NBAS: variants seen among roughly 807,000 people sequenced by gnomAD.
The protein encoded by NBAS is NBAS subunit of NRZ tethering complex, also known as NAG/BC035112 fusion.
A neutral mutation model predicts 302.5 loss-of-function variants in NBAS; 219 were observed. The ratio of observed to expected loss-of-function variants is 0.72; its 90% CI spans 0.65 to 0.81. The LOEUF is 0.81. Ranked by LOEUF, NBAS falls within the 30% of genes least tolerant of loss-of-function variation. The pLI, the probability that NBAS is intolerant of heterozygous loss-of-function variation, is 0.00. For missense variants in NBAS, 2,932 were observed against 2,841.6 expected, an observed-to-expected ratio of 1.03 and a Z score of -0.72; for synonymous variants, 1,118 against 1,021.6, an observed-to-expected ratio of 1.09 and a Z score of -1.80.
At chr2:15,140,698 G>A in the NBAS span, among the ~76,000 whole-genome samples, 6 of 152,216 alleles carry the variant, frequency 3.9e-5, no homozygotes, top group Non-Finnish European at 8.8e-5. Context: ...GACCCTGGTG[G>A]ATATGCTAGA....
intron 47 of NBAS, among the ~76,000 whole-genome samples, chr2:15,224,423 T>C (rs1464010692): frequency 6.6e-6 from 1 of 152,204 alleles, no homozygotes; most frequent in East Asian, 1.9e-4. Flanking sequence ...AACACACACA[T>C]TTGAGATTTC....
At position 15,396,472 on chromosome 2, in the gene NBAS, A is replaced by G; in HGVS notation, c.3075T>C (p.Asp1025=). 6.3e-7 allele frequency: 1 copy of G among 1,581,890 alleles called. No individual in the cohort carries two copies. Among genetic ancestry groups the G allele is most frequent in the African/African-American group, 1.4e-5 (1 of 73,308 alleles). ...LECLPERGYG[D]KTEATTKLHD... ...GAAGCTTTGTGGTTGCCTCTGTCTT[A>G]TCACTAATAAATTAAAAGAAGAAAA... The change falls in exon 27 of 52, where the codon GAT becomes GAC. Residue 1025 remains aspartate (D), a synonymous_variant. Transcript: ENST00000281513.
At chr2:15,065,371 A>G in the NBAS span, among the ~76,000 whole-genome samples, 1 of 152,150 alleles carries the variant, frequency 6.6e-6, no homozygotes, top group Non-Finnish European at 1.5e-5. Context: ...CAGCACTTCT[A>G]CTCAACATAG....
At chr2:15,407,633 G>A (rs1676480039) in intron 25 of NBAS, among the ~76,000 whole-genome samples, 1 of 152,156 alleles carries the variant, frequency 6.6e-6, no homozygotes, top group African/African-American at 2.4e-5. Context: ...TACGTACACA[G>A]CAGAATGAGC....
At chr2:14,853,225 GA>G in the NBAS span, among the ~76,000 whole-genome samples, 7 of 52,678 alleles carry the variant, frequency 1.3e-4, no homozygotes, top group Admixed American at 1.4e-3. Flanking sequence ...AAATTTACAA[GA>G]AAAAAACAAA....
intron 40 of NBAS, among the ~76,000 whole-genome samples, chr2:15,302,078 G>A (rs1242279002): frequency 6.6e-6 from 1 of 152,220 alleles, no homozygotes; most frequent in Non-Finnish European, 1.5e-5. Flanking sequence ...GGACGTTTAG[G>A]TGAAGAACTA....
At position 15,423,236 on chromosome 2, in the gene NBAS, T is replaced by C. The variant is rs536547190; in HGVS notation, c.2577+1079A>G. 1.3e-3 allele frequency among the ~76,000 whole-genome samples: 205 copies of C among 152,308 alleles called. 1 individual carries two copies. The highest frequency in any genetic ancestry group is 1.1e-3 in the Non-Finnish European group (73 of 68,034). ...TTTCCAAAGATTCACTTCATCGTGT[T>C]ATCTCTTCAGATTCTACACATTTTC... On this transcript the variant is annotated intron_variant, in intron 23 of 51. Coordinates refer to ENST00000281513, the MANE Select transcript of NBAS (RefSeq NM_015909.4).
chr2:15,431,756 T>C (rs114871939), intron 21 of NBAS, among the ~76,000 whole-genome samples: 1 of 152,134 alleles, frequency 6.6e-6, no homozygotes, highest in African/African-American at 2.4e-5. Context: ...TACATATTAT[T>C]AAACTGATGG....
chr2:15,540,356 C>G (rs1010980868), intron 6 of NBAS, among the ~76,000 whole-genome samples: 4 of 151,994 alleles, frequency 2.6e-5, no homozygotes, highest in African/African-American at 9.7e-5. Context: ...AAACGTATGG[C>G]CTTCTTTTGA....
At chr2:15,029,339 G>T in the NBAS span, among the ~76,000 whole-genome samples, 1 of 152,108 alleles carries the variant, frequency 6.6e-6, no homozygotes, top group East Asian at 1.9e-4. Flanking sequence ...AACCATAATT[G>T]CATTATAAAT....
At chr2:15,263,516 C>T (rs1668942350) in intron 44 of NBAS, among the ~76,000 whole-genome samples, 1 of 152,210 alleles carries the variant, frequency 6.6e-6, no homozygotes, top group South Asian at 2.1e-4. Context: ...AGTTTTCATT[C>T]CCAGGCCCCT....
chr2:15,492,607 C>G (rs1330040608), intron 11 of NBAS, among the ~76,000 whole-genome samples: 2 of 152,248 alleles, frequency 1.3e-5, no homozygotes, highest in South Asian at 2.1e-4. Context: ...CAGGCATGCA[C>G]CACCATGCCT....
chr2:15,091,900 A>C, the NBAS span, among the ~76,000 whole-genome samples: 7 of 152,362 alleles, frequency 4.6e-5, no homozygotes, highest in African/African-American at 1.7e-4. Context: ...ACGGTATATA[A>C]TACATGTAAC....
At chr2:15,231,916 T>C (rs948491537) in intron 47 of NBAS, among the ~76,000 whole-genome samples, 9 of 152,184 alleles carry the variant, frequency 5.9e-5, no homozygotes, top group Non-Finnish European at 8.8e-5. Flanking sequence ...ATCAGTATCA[T>C]TGTACCTGAA....
the NBAS span, among the ~76,000 whole-genome samples, chr2:15,039,670 C>G: frequency 6.6e-6 from 1 of 152,166 alleles, no homozygotes; most frequent in South Asian, 2.1e-4. Flanking sequence ...GAGAGCTGAG[C>G]TCTGCTCACC....
At chr2:15,011,242 G>A in the NBAS span, among the ~76,000 whole-genome samples, 1,557 of 152,208 alleles carry the variant, frequency 0.01, 32 homozygotes, top group African/African-American at 0.036. Context: ...CTGAGCCTGT[G>A]GTCAGGTTGA....
chr2:15,096,564 C>A, the NBAS span, among the ~76,000 whole-genome samples: 1 of 152,226 alleles, frequency 6.6e-6, no homozygotes, highest in African/African-American at 2.4e-5. Flanking sequence ...GCCCTCAGGG[C>A]ACTTCCCAAA....
chr2:15,241,804 A>T (rs1667878873), intron 44 of NBAS, among the ~76,000 whole-genome samples: 1 of 152,070 alleles, frequency 6.6e-6, no homozygotes, highest in South Asian at 2.1e-4. Flanking sequence ...CCTTTTTTTT[A>T]AATAAGCTCC....
chr2:14,923,732 T>G, the NBAS span, among the ~76,000 whole-genome samples: 1 of 152,158 alleles, frequency 6.6e-6, no homozygotes, highest in Non-Finnish European at 1.5e-5. Context: ...GCATGCATTC[T>G]GAGGAGTGAG....
Sources: allele counts gnomAD v4.1 joint callset (sites outside exome capture counted in the v4.1 genomes callset), GRCh38; gene constraint gnomAD v4.1.1; transcripts MANE v1.5; gene names NCBI Gene and HGNC (gene_info 2026-07-23, HGNC 2026-07-21).